OR14I1: variants seen among roughly 807,000 people sequenced by gnomAD.
OR14I1 encodes the protein olfactory receptor family 14 subfamily I member 1, also known as olfactory receptor 14I1.
For synonymous variants in OR14I1, 118 were observed against 71.1 expected, an observed-to-expected ratio of 1.66 and a Z score of -3.32; for missense variants, 279 against 181.8, an observed-to-expected ratio of 1.53 and a Z score of -3.07.
chr1:248,682,671 G>A (rs2103133224), upstream of OR14I1, among the ~76,000 whole-genome samples: 1 of 152,244 alleles, frequency 6.6e-6, no homozygotes, highest in East Asian at 1.9e-4. Context: ...ATAAAAATTT[G>A]TGGGATAAAA....
the OR14I1 span, among the ~76,000 whole-genome samples, chr1:248,691,118 G>A: frequency 1.3e-5 from 2 of 152,180 alleles, no homozygotes; most frequent in East Asian, 1.9e-4. Flanking sequence ...CTTCCAAAAA[G>A]AATTAGAGCT....
chr1:248,700,897 T>C, the OR14I1 span, among the ~76,000 whole-genome samples: 1 of 152,224 alleles, frequency 6.6e-6, no homozygotes, highest in Non-Finnish European at 1.5e-5. Flanking sequence ...GGAAAATTTT[T>C]ACAAAGATTT....
upstream of OR14I1, among the ~76,000 whole-genome samples, chr1:248,687,259 G>T (rs1005290875): frequency 6.6e-6 from 1 of 152,194 alleles, no homozygotes; most frequent in African/African-American, 2.4e-5. Context: ...TAAGTACTCA[G>T]AAAATAATAA....
At chr1:248,681,776 G>C in exon 1 of OR14I1, 1 of 781,072 alleles carries the variant, frequency 1.3e-6, no homozygotes, top group East Asian at 2.4e-5. Flanking sequence ...GGGATGTCAC[G>C]GAAGAACTGG....
chr1:248,688,779 G>A, the OR14I1 span, among the ~76,000 whole-genome samples: 2 of 152,230 alleles, frequency 1.3e-5, no homozygotes, highest in African/African-American at 4.8e-5. Flanking sequence ...GTTGACTGCA[G>A]GGTTCCCATG....
upstream of OR14I1, among the ~76,000 whole-genome samples, chr1:248,684,757 CAT>C (rs376621560): frequency 0.73 from 105,558 of 145,068 alleles, 40,287 homozygotes; most frequent in Non-Finnish European, 0.86. Context: ...CACACACATA[CAT>C]ATATATATAT....
At chr1:248,690,600 C>A in the OR14I1 span, among the ~76,000 whole-genome samples, 87 of 51,514 alleles carry the variant, frequency 1.7e-3, no homozygotes, top group African/African-American at 2.6e-3. Context: ...GTCTACCAAC[C>A]AAAAAAAAAA....
chr1:248,686,562 A>AGTTTTCCTCTGTGT (rs1553277819), upstream of OR14I1, among the ~76,000 whole-genome samples: 1 of 149,536 alleles, frequency 6.7e-6, no homozygotes, highest in Admixed American at 6.6e-5. Context: ...ATTCAAGCAA[A>AGTTTTCCTCTGTGT]CTGAATGCAC....
the OR14I1 span, among the ~76,000 whole-genome samples, chr1:248,698,472 A>G: frequency 3.9e-5 from 6 of 152,220 alleles, no homozygotes; most frequent in African/African-American, 1.4e-4. Context: ...ACTGAAACAC[A>G]GACATACCCC....
chr1:248,693,694 A>G, the OR14I1 span, among the ~76,000 whole-genome samples: 1 of 151,514 alleles, frequency 6.6e-6, no homozygotes, highest in African/African-American at 2.4e-5. Context: ...TCCTTTCCCC[A>G]TCCTCTGTCT....
chr1:248,695,780 G>A, the OR14I1 span, among the ~76,000 whole-genome samples: 59 of 152,028 alleles, frequency 3.9e-4, no homozygotes, highest in Non-Finnish European at 6.5e-4. Context: ...CAGGGCCCAT[G>A]GTAATATGTC....
chr1:248,700,924 G>T, the OR14I1 span, among the ~76,000 whole-genome samples: 56 of 152,234 alleles, frequency 3.7e-4, no homozygotes, highest in African/African-American at 1.3e-3. Flanking sequence ...TTATTAACTC[G>T]AATTCCCAGT....
chr1:248,700,278 A>C, the OR14I1 span, among the ~76,000 whole-genome samples: 1 of 152,224 alleles, frequency 6.6e-6, no homozygotes, highest in African/African-American at 2.4e-5. Flanking sequence ...AAAAGATCAT[A>C]ATTTATTTTA....
chr1:248,681,768 G>T (rs776570127), exon 1 of OR14I1: 101 of 780,958 alleles, frequency 1.3e-4, no homozygotes, highest in Non-Finnish European at 2.3e-4. Context: ...ACACATGAGG[G>T]ATGTCACGGA....
the OR14I1 span, among the ~76,000 whole-genome samples, chr1:248,689,594 T>G: frequency 3.9e-5 from 6 of 152,080 alleles, no homozygotes; most frequent in Non-Finnish European, 7.4e-5. Context: ...TGGGCATTCC[T>G]TGTTCCGGGG....
chr1:248,684,813 A>C (rs1661619875), upstream of OR14I1, among the ~76,000 whole-genome samples: 2 of 150,046 alleles, frequency 1.3e-5, no homozygotes, highest in South Asian at 4.2e-4. Context: ...TAAAACAGTT[A>C]CTGGAATGAA....
downstream of OR14I1, among the ~76,000 whole-genome samples, chr1:248,680,744 T>C (rs1661545350): frequency 1.3e-5 from 2 of 152,204 alleles, no homozygotes; most frequent in Non-Finnish European, 2.9e-5. Context: ...CATTGAATAC[T>C]AACACAAATG....
chr1:248,698,284 A>C, the OR14I1 span, among the ~76,000 whole-genome samples: 3 of 152,240 alleles, frequency 2.0e-5, no homozygotes, highest in Non-Finnish European at 4.4e-5. Context: ...GTAAGATGAA[A>C]TCATCGAGAG....
In OR14I1 at chr1:248,681,390, CT is replaced by C. The variant is rs868622690; in HGVS notation, c.914del (p.Lys305ArgfsTer15). On this transcript the variant is annotated frameshift_variant, in exon 1 of 1. Coordinates refer to ENST00000342623, the Ensembl canonical transcript of OR14I1. LOFTEE classifies it low-confidence loss of function (END_TRUNC). ...TGTTCTACTTTTGCAGAAAATATAT[CT>C]TCACAAAGAGTCTCCACATGGCTGT... The C allele has an allele frequency of 6.6e-6, 5 of 756,666 alleles. No homozygotes were observed. Among genetic ancestry groups the C allele is most frequent in the African/African-American group, 1.7e-5 (1 of 57,802 alleles). The allele number at this position is 756,666 out of a possible 1,614,324, so 46.9% of individuals were successfully genotyped here.
Sources: allele counts gnomAD v4.1 joint callset (sites outside exome capture counted in the v4.1 genomes callset), GRCh38; gene constraint gnomAD v4.1.1; transcripts MANE v1.5; gene names NCBI Gene and HGNC (gene_info 2026-07-23, HGNC 2026-07-21).